SEMA3D: variants seen among roughly 807,000 people sequenced by gnomAD.
SEMA3D encodes the protein semaphorin-3D.
In SEMA3D, 84 loss-of-function variants were observed where a neutral mutation model predicts 100.1. That is an observed-to-expected ratio of 0.84 (90% CI 0.70 to 1.01). SEMA3D has a LOEUF of 1.01. SEMA3D is among the 50% of genes least tolerant of loss of function. The pLI is 0.00. For synonymous variants in SEMA3D, 312 were observed against 320.7 expected (o/e 0.97, Z 0.29); for missense variants, 875 against 934.1 (o/e 0.94, Z 0.82).
At chr7:85,228,881 G>A in the SEMA3D span, among the ~76,000 whole-genome samples, 1 of 151,978 alleles carries the variant, frequency 6.6e-6, no homozygotes, top group Non-Finnish European at 1.5e-5. Flanking sequence ...CTGTCTTGTG[G>A]CCTGTTTTTT....
chr7:85,016,532 C>T (rs1338333247), intron 15 of SEMA3D, among the ~76,000 whole-genome samples: 1 of 151,498 alleles, frequency 6.6e-6, no homozygotes, highest in Non-Finnish European at 1.5e-5. Context: ...ATTTTCTAAT[C>T]TATTTCCTCC....
chr7:85,224,788 A>T, the SEMA3D span, among the ~76,000 whole-genome samples: 1 of 151,950 alleles, frequency 6.6e-6, no homozygotes, highest in Admixed American at 6.6e-5. Flanking sequence ...TTAAAAGCAG[A>T]GATGCCTATT....
chr7:85,025,257 T>C (rs1260275971), intron 12 of SEMA3D, among the ~76,000 whole-genome samples: 1 of 151,948 alleles, frequency 6.6e-6, no homozygotes, highest in Non-Finnish European at 1.5e-5. Flanking sequence ...TGTTGTAAAA[T>C]ACTCAAAGAC....
chr7:85,003,302 T>C (rs1023962635), intron 18 of SEMA3D, among the ~76,000 whole-genome samples: 6 of 152,040 alleles, frequency 3.9e-5, no homozygotes, highest in Non-Finnish European at 1.5e-5. Flanking sequence ...AGGGAAAACT[T>C]ACTAAAGGGG....
intron 14 of SEMA3D, among the ~76,000 whole-genome samples, chr7:85,018,866 T>C (rs2115831343): frequency 6.6e-6 from 1 of 151,754 alleles, no homozygotes; most frequent in South Asian, 2.1e-4. Flanking sequence ...ATCAGAAACA[T>C]GAACACAAAA....
chr7:85,154,512 G>A (rs889326468), intron 1 of SEMA3D, among the ~76,000 whole-genome samples: 4 of 151,988 alleles, frequency 2.6e-5, no homozygotes, highest in Non-Finnish European at 2.9e-5. Flanking sequence ...CTCTTTCTCT[G>A]TACCAAGGCT....
chr7:85,201,582 A>T, the SEMA3D span, among the ~76,000 whole-genome samples: 3 of 152,200 alleles, frequency 2.0e-5, no homozygotes, highest in African/African-American at 7.2e-5. Context: ...TCTAGATCTC[A>T]GTTAAGAGTG....
In SEMA3D at chr7:84,996,766, C is replaced by T. The variant is rs1372904655; in HGVS notation, c.*2674G>A. 6.6e-6 allele frequency: 1 copy of T among 151,974 alleles called. No individual in the cohort carries two copies. The highest frequency in any genetic ancestry group is 6.6e-5 in the Admixed American group (1 of 15,258). The allele number at this position is 151,974 out of a possible 1,614,324, so 9.4% of individuals were successfully genotyped here. A position where few individuals can be genotyped will look rare whatever the true frequency, so the allele number is the denominator to read the frequency against. ...GAGTAAACAGGCATTTTAAGATCCC[C>T]TCCGCAGAGTCAATTTCTTAGCATA... On this transcript the variant is annotated 3_prime_UTR_variant, in exon 19 of 19. Transcript: ENST00000284136.
the SEMA3D span, among the ~76,000 whole-genome samples, chr7:85,200,988 G>C: frequency 1.4e-4 from 22 of 152,168 alleles, no homozygotes; most frequent in African/African-American, 5.1e-4. Flanking sequence ...TCTTTGAATT[G>C]TCTCATATTT....
the SEMA3D span, among the ~76,000 whole-genome samples, chr7:85,209,458 T>C: frequency 2.6e-5 from 4 of 151,922 alleles, no homozygotes; most frequent in Non-Finnish European, 1.5e-5. Context: ...GAAGGGATGA[T>C]GGGGAGGAAG....
intron 9 of SEMA3D, among the ~76,000 whole-genome samples, chr7:85,048,885 A>G (rs1223056751): frequency 6.6e-6 from 1 of 151,840 alleles, no homozygotes; most frequent in East Asian, 1.9e-4. Context: ...TGTAGAAACA[A>G]ATATCTCTTC....
chr7:84,999,214 G>C lies in SEMA3D; in HGVS notation c.*226C>G, dbSNP rs1385137457. ...TACAACTGTAAACCCCCTATTTTTA[G>C]GATAATTCTTATACTTTGCTTGTGC... On this transcript the variant is annotated 3_prime_UTR_variant, in exon 19 of 19. Coordinates refer to ENST00000284136, the MANE Select transcript of SEMA3D (RefSeq NM_001384900.1). 5.7e-6 allele frequency: 3 copies of C among 526,924 alleles called. No homozygotes were observed. Among genetic ancestry groups the C allele is most frequent in the Non-Finnish European group, 1.0e-5 (3 of 298,526 alleles). 32.6% of individuals were successfully genotyped at this position (526,924 alleles called of 1,614,324 possible).
chr7:85,237,789 T>C, the SEMA3D span, among the ~76,000 whole-genome samples: 1 of 152,318 alleles, frequency 6.6e-6, no homozygotes, highest in East Asian at 1.9e-4. Context: ...TTCAGTTCAT[T>C]TGGGTAAACG....
the SEMA3D span, among the ~76,000 whole-genome samples, chr7:85,216,054 T>C: frequency 5.9e-5 from 9 of 152,122 alleles, no homozygotes; most frequent in Non-Finnish European, 1.0e-4. Flanking sequence ...TATTATATAA[T>C]GGCAAACTAT....
intron 1 of SEMA3D, among the ~76,000 whole-genome samples, chr7:85,179,085 C>T (rs1791323237): frequency 6.6e-6 from 1 of 152,174 alleles, no homozygotes; most frequent in Non-Finnish European, 1.5e-5. Context: ...GATGTCCTGG[C>T]AGAAGTCTGC....
the SEMA3D span, among the ~76,000 whole-genome samples, chr7:85,248,309 G>C: frequency 6.6e-6 from 1 of 152,078 alleles, no homozygotes; most frequent in Non-Finnish European, 1.5e-5. Flanking sequence ...CCAAAACTTA[G>C]AACAGTGACA....
At chr7:85,250,232 T>G in the SEMA3D span, among the ~76,000 whole-genome samples, 3 of 143,858 alleles carry the variant, frequency 2.1e-5, no homozygotes, top group Admixed American at 2.1e-4. Context: ...CACGGAGTCT[T>G]GCTGATTGCC....
chr7:85,089,865 TG>T (rs1788333183), intron 4 of SEMA3D, among the ~76,000 whole-genome samples: 1 of 152,104 alleles, frequency 6.6e-6, no homozygotes, highest in African/African-American at 2.4e-5. Context: ...CAGTCCAGCC[TG>T]GGTGACAGGA....
chr7:85,012,666 T>C (rs1789988006), intron 17 of SEMA3D, 116 bp downstream of exon 17: 1 of 731,122 alleles, frequency 1.4e-6, no homozygotes, highest in African/African-American at 1.8e-5. Flanking sequence ...ACACATGCAT[T>C]ACACAAAATG....
Sources: allele counts gnomAD v4.1 joint callset (sites outside exome capture counted in the v4.1 genomes callset), GRCh38; gene constraint gnomAD v4.1.1; transcripts MANE v1.5; gene names NCBI Gene and HGNC (gene_info 2026-07-23, HGNC 2026-07-21).